KCNJ15: variants seen among roughly 807,000 people sequenced by gnomAD.
KCNJ15 encodes the protein ATP-sensitive inward rectifier potassium channel 15.
KCNJ15 carries 14 observed loss-of-function variants against 23.0 expected under a neutral mutation model. The ratio of observed to expected loss-of-function variants is 0.61; its 90% confidence interval spans 0.40 to 0.95. KCNJ15 has a LOEUF of 0.95. KCNJ15 is among the 40% of genes least tolerant of loss of function. The pLI, the probability that KCNJ15 is intolerant of heterozygous loss-of-function variation, is 0.00. For missense variants in KCNJ15, 388 were observed against 461.8 expected, an observed-to-expected ratio of 0.84 and a Z score of 1.46; for synonymous variants, 185 against 183.2, an observed-to-expected ratio of 1.01 and a Z score of -0.08.
intron 1 of KCNJ15, among the ~76,000 whole-genome samples, chr21:38,276,988 T>G (rs1982773862): frequency 6.6e-6 from 1 of 151,440 alleles, no homozygotes; most frequent in Admixed American, 6.6e-5. Flanking sequence ...TTCTGGTAAT[T>G]GACAATTACT....
intron 1 of KCNJ15, among the ~76,000 whole-genome samples, chr21:38,287,349 C>T (rs890795281): frequency 1.3e-5 from 2 of 152,064 alleles, no homozygotes; most frequent in Non-Finnish European, 2.9e-5. Flanking sequence ...GATGGCTTTA[C>T]GTTAAACCCT....
intron 1 of KCNJ15, among the ~76,000 whole-genome samples, chr21:38,245,425 A>G (rs541763959): frequency 6.6e-6 from 1 of 152,158 alleles, no homozygotes; most frequent in Admixed American, 6.5e-5. Context: ...TTACATCATG[A>G]CACTAAAAAT....
rs1189619979 is a variant in KCNJ15 at position 38,307,024 on chromosome 21, A to G, written c.*6635A>G. On this transcript the variant is annotated 3_prime_UTR_variant, in exon 3 of 3. Coordinates refer to ENST00000398938, the MANE Select transcript of KCNJ15 (RefSeq NM_170736.3). ...ATCCTTATACAGTGTTGCAAGATAT[A>G]TGTCCTTGCTTTCCCATGGTTCTTA... is the stretch of plus-strand genomic sequence containing the variant. 1 of 152,192 alleles carries G rather than the reference A, an allele frequency of 6.6e-6. No homozygotes were observed. Among genetic ancestry groups the G allele is most frequent in the Non-Finnish European group, 1.5e-5 (1 of 68,034 alleles). The allele number at this position is 152,192 out of a possible 1,614,324, so 9.4% of individuals were successfully genotyped here.
At chr21:38,296,292 AATAG>A (rs10582534) in intron 1 of KCNJ15, among the ~76,000 whole-genome samples, 100,875 of 151,600 alleles carry the variant, frequency 0.67, 34,113 homozygotes, top group Non-Finnish European at 0.74. Context: ...GAAGATAGAT[AATAG>A]ATAGGCAGAT....
In KCNJ15 at chr21:38,230,979, A is replaced by T. The variant is rs888068700; in HGVS notation, c.-398-26067A>T. ...ATAGCCATTTGGAATTTTGATAGGT[A>T]TTGCATTGAATGTATAGATCAATTT... On this transcript the variant is annotated intron_variant, in intron 1 of 4. Transcript: ENST00000547341. Among the ~76,000 whole-genome samples, 4 of 152,172 alleles carry T rather than the reference A, an allele frequency of 2.6e-5. No individual in the cohort carries two copies. In the South Asian group the frequency reaches 8.3e-4, roughly 31 times the overall value.
intron 1 of KCNJ15, among the ~76,000 whole-genome samples, chr21:38,251,731 C>T (rs780831561): frequency 7.2e-5 from 11 of 152,278 alleles, no homozygotes; most frequent in South Asian, 4.1e-4. Flanking sequence ...GACCCATCAT[C>T]GCAATTTGCC....
intron 1 of KCNJ15, among the ~76,000 whole-genome samples, chr21:38,259,530 A>C (rs1980662017): frequency 6.6e-6 from 1 of 152,246 alleles, no homozygotes. Context: ...TCAAGTAAAA[A>C]TAATTCCACA....
In KCNJ15 at chr21:38,303,828, T is replaced by A. The variant is rs1476127104; in HGVS notation, c.*3439T>A. ...GAAAAAAATAGTGGCATTTGCACTC[T>A]AGCATTATTCTGTCTCCCTTATTTG... is the stretch of plus-strand genomic sequence containing the variant. On this transcript the variant is annotated 3_prime_UTR_variant, in exon 3 of 3. Transcript: ENST00000398938. 1 of 152,242 alleles carries A rather than the reference T, an allele frequency of 6.6e-6. No individual in the cohort carries two copies. The highest frequency in any genetic ancestry group is 2.4e-5 in the African/African-American group (1 of 41,456). The allele number at this position is 152,242 out of a possible 1,614,324, so 9.4% of individuals were successfully genotyped here.
chr21:38,295,598 ATTC>A (rs1322205882), intron 1 of KCNJ15, among the ~76,000 whole-genome samples: 1 of 151,894 alleles, frequency 6.6e-6, no homozygotes, highest in Non-Finnish European at 1.5e-5. Context: ...AGAAGAAACT[ATTC>A]TTCTCTCATT....
rs1384467280 is a variant in KCNJ15 at position 38,300,219 on chromosome 21, A to G, written c.958A>G (p.Asn320Asp). The change falls in exon 3 of 3, where the codon AAT becomes GAT. Residue 320 changes from asparagine (N) to aspartate (D), a missense_variant. Coordinates refer to ENST00000398938, the MANE Select transcript of KCNJ15 (RefSeq NM_170736.3). ...TGTGCCTGTGGTATCTCTCTCCAAA[A>G]ATGGAAAATATGTGGCTGATTTCAG... ...EFVPVVSLSK[N>D]GKYVADFSQF... is the part of the protein sequence containing the mutation. 1 of 1,614,152 alleles carries G rather than the reference A, an allele frequency of 6.2e-7. No individual in the cohort carries two copies. The highest frequency in any genetic ancestry group is 8.5e-7 in the Non-Finnish European group (1 of 1,180,028).
rs927657610 is a variant in KCNJ15, at chr21:38,301,958, TCA to T, written c.*1575_*1576del. 57 of 157,608 alleles carry T rather than the reference TCA, an allele frequency of 3.6e-4. No individual in the cohort carries two copies. The highest frequency in any genetic ancestry group is 5.2e-4 in the African/African-American group (21 of 40,582). The allele number at this position is 157,608 out of a possible 1,614,324, so 9.8% of individuals were successfully genotyped here. ...TTCCCCCCACCAAGCACACACACAGTCACACACGCACACACACACACATGCAC... is the reference window on the plus strand; with the variant it reads ...TTCCCCCCACCAAGCACACACACAGTCACACGCACACACACACACATGCAC... On this transcript the variant is annotated 3_prime_UTR_variant, in exon 3 of 3. Coordinates refer to ENST00000398938, the MANE Select transcript of KCNJ15 (RefSeq NM_170736.3).
intron 1 of KCNJ15, among the ~76,000 whole-genome samples, chr21:38,284,076 A>T (rs552896657): frequency 6.6e-6 from 1 of 152,258 alleles, no homozygotes; most frequent in East Asian, 1.9e-4. Flanking sequence ...GTTGAAGGCC[A>T]GGCCCATCTG....
intron 1 of KCNJ15, among the ~76,000 whole-genome samples, chr21:38,243,378 G>A (rs983657906): frequency 2.0e-5 from 3 of 152,212 alleles, no homozygotes; most frequent in Middle Eastern, 6.8e-3. Context: ...CTGCTAGATC[G>A]AGGGTTGGCA....
intron 1 of KCNJ15, among the ~76,000 whole-genome samples, chr21:38,232,589 T>C (rs1221331084): frequency 2.0e-5 from 3 of 151,948 alleles, no homozygotes; most frequent in Admixed American, 6.5e-5. Context: ...TTTATGGCTA[T>C]ACATTTTCTT....
intron 1 of KCNJ15, among the ~76,000 whole-genome samples, chr21:38,247,593 G>A (rs1161317277): frequency 1.3e-5 from 2 of 152,200 alleles, no homozygotes; most frequent in Non-Finnish European, 2.9e-5. Flanking sequence ...TGCATAGGTA[G>A]ATAAATGGAT....
chr21:38,295,579 G>A (rs767683612), intron 1 of KCNJ15, among the ~76,000 whole-genome samples: 3 of 151,948 alleles, frequency 2.0e-5, no homozygotes, highest in Non-Finnish European at 2.9e-5. Flanking sequence ...GGTTAAGATA[G>A]GGGAAATTAG....
chr21:38,290,297 G>T (rs1984457839), intron 1 of KCNJ15, among the ~76,000 whole-genome samples: 1 of 152,082 alleles, frequency 6.6e-6, no homozygotes, highest in African/African-American at 2.4e-5. Flanking sequence ...AGTTTTTAAA[G>T]AATTCGCATC....
At chr21:38,278,748 G>A (rs1288378145) in intron 1 of KCNJ15, among the ~76,000 whole-genome samples, 1 of 152,152 alleles carries the variant, frequency 6.6e-6, no homozygotes, top group African/African-American at 2.4e-5. Context: ...ATCAATAGAG[G>A]ACTAATCCAT....
At chr21:38,263,088 CT>C (rs546498226) in intron 1 of KCNJ15, among the ~76,000 whole-genome samples, 113 of 152,274 alleles carry the variant, frequency 7.4e-4, no homozygotes, top group African/African-American at 2.4e-3. Context: ...GACTCAGGGT[CT>C]TGGTTCCTAG....
Sources: allele counts gnomAD v4.1 joint callset (sites outside exome capture counted in the v4.1 genomes callset), GRCh38; gene constraint gnomAD v4.1.1; transcripts MANE v1.5; gene names NCBI Gene and HGNC (gene_info 2026-07-23, HGNC 2026-07-21).